TIMP2: variants seen among roughly 807,000 people sequenced by gnomAD.
TIMP2 encodes the protein metalloproteinase inhibitor 2.
TIMP2 carries 5 observed loss-of-function variants against 24.3 expected under a neutral mutation model. The ratio of observed to expected loss-of-function variants is 0.21; its 90% CI spans 0.11 to 0.43. The LOEUF (loss-of-function observed/expected upper bound fraction) is 0.43. Ranked by LOEUF, TIMP2 falls within the 20% of genes least tolerant of loss-of-function variation. The pLI, the probability that TIMP2 is intolerant of heterozygous loss-of-function variation, is 1.00. For missense variants in TIMP2, 221 were observed against 297.5 expected, an observed-to-expected ratio of 0.74 and a Z score of 1.89; for synonymous variants, 130 against 123.2, an observed-to-expected ratio of 1.06 and a Z score of -0.37.
chr17:78,863,186 T>C (rs185210844), intron 3 of TIMP2, among the ~76,000 whole-genome samples: 2 of 152,322 alleles, frequency 1.3e-5, no homozygotes, highest in East Asian at 3.9e-4. Context: ...GCATAAGCGT[T>C]CCTAAGCGTT....
In TIMP2 at chr17:78,920,100, C is replaced by T. The variant is rs181186039; in HGVS notation, c.130+4859G>A. 2.1e-4 allele frequency among the ~76,000 whole-genome samples: 32 copies of T among 152,322 alleles called. No individual in the cohort carries two copies. Among genetic ancestry groups the T allele is most frequent in the Non-Finnish European group, 4.0e-4 (27 of 68,030 alleles). On this transcript the variant is annotated intron_variant, in intron 1 of 4. Transcript: ENST00000262768. This position sits in a 1 kb window ranked among gnomAD's most constrained non-coding sequence, Gnocchi z 4.5. The stretch of plus-strand genomic sequence containing the variant: ...AACCCAAGACGTTCACCCCTACACA[C>T]GACCCCCACTGCATCGAGTCAGTGG...
rs1314895267 is a variant in TIMP2 at position 78,924,195 on chromosome 17, C to T, written c.130+764G>A. On this transcript the variant is annotated intron_variant, in intron 1 of 4. Transcript: ENST00000262768. The surrounding 1 kb of genome is among the most constrained non-coding windows in gnomAD (Gnocchi z 5.3). ...GCCTGTCTTTTGGGGGCTAGGAGTC[C>T]GGAGGTCATGGGTATTTGCTGGGGA... Among the ~76,000 whole-genome samples the T allele has an allele frequency of 6.6e-6, 1 of 152,162 alleles. No homozygotes were observed. Among genetic ancestry groups the T allele is most frequent in the Non-Finnish European group, 1.5e-5 (1 of 68,030 alleles).
At chr17:78,870,806 C>T (rs935567153) in intron 3 of TIMP2, 92 bp downstream of exon 3, 67 of 1,072,002 alleles carry the variant, frequency 6.2e-5, no homozygotes, top group Non-Finnish European at 7.1e-5. Flanking sequence ...CGCCTCCCCA[C>T]CCCCCGAGCC....
intron 1 of TIMP2, among the ~76,000 whole-genome samples, chr17:78,900,361 C>T (rs1568004065): frequency 6.6e-6 from 1 of 152,088 alleles, no homozygotes; most frequent in Admixed American, 6.6e-5. Context: ...GCCTGACCAA[C>T]GTGGTGAAAC....
chr17:78,888,006 A>T (rs751703476), intron 1 of TIMP2, among the ~76,000 whole-genome samples: 9 of 152,194 alleles, frequency 5.9e-5, no homozygotes, highest in Non-Finnish European at 1.3e-4. Context: ...TGCCGAGGCC[A>T]AAAAACCTAG....
intron 3 of TIMP2, among the ~76,000 whole-genome samples, chr17:78,859,996 T>A (rs991433404): frequency 3.3e-5 from 5 of 151,112 alleles, no homozygotes; most frequent in Non-Finnish European, 7.4e-5. Context: ...CCATCTCAAA[T>A]AAATACATAA....
intron 1 of TIMP2, chr17:78,904,791 A>G (rs1004319036): frequency 6.6e-6 from 1 of 152,256 alleles, no homozygotes; most frequent in Admixed American, 6.5e-5. Context: ...AATCTGTTGA[A>G]AGCCCGGACA....
chr17:78,897,261 A>G (rs571766634), intron 1 of TIMP2: 1 of 152,428 alleles, frequency 6.6e-6, no homozygotes, highest in East Asian at 1.9e-4. Context: ...GCTGCAGGAT[A>G]CCAGATCCTG....
intron 3 of TIMP2, among the ~76,000 whole-genome samples, chr17:78,865,705 C>A (rs1258975986): frequency 6.6e-6 from 1 of 150,388 alleles, no homozygotes; most frequent in Non-Finnish European, 1.5e-5. Flanking sequence ...GGCAGGAGAA[C>A]TGCTTGAACC....
rs141269986 is a variant in TIMP2, at chr17:78,862,171, C to T, written c.341-4525G>A. Among the ~76,000 whole-genome samples, 28 of 152,324 alleles carry T rather than the reference C, an allele frequency of 1.8e-4. No individual in the cohort carries two copies. The East Asian group carries it at 4.6e-3, about 25-fold the overall frequency. ...GAGTCTCCTGGTGCCCGACTCGACA[C>T]GTGAGACTGAGTCATCGGTCCAGGA... is the stretch of plus-strand genomic sequence containing the variant. On this transcript the variant is annotated intron_variant, in intron 3 of 4. Transcript: ENST00000262768.
chr17:78,924,875 G>T lies in TIMP2; in HGVS notation c.130+84C>A. The T allele has an allele frequency of 1.1e-6, 1 of 926,744 alleles. No homozygotes were observed. Among genetic ancestry groups the T allele is most frequent in the Non-Finnish European group, 1.4e-6 (1 of 738,040 alleles). The allele number at this position is 926,744 out of a possible 1,614,324, so 57.4% of individuals were successfully genotyped here. A position where few individuals can be genotyped will look rare whatever the true frequency, so the allele number is the denominator to read the frequency against. ...CGGGCGCTGGGGTCCCTCGGCCAGC[G>T]GCGGGCGGGCGGGGCGTCTGCGAAC... On this transcript the variant is annotated intron_variant, in intron 1 of 4. Transcript: ENST00000262768. This position sits in a 1 kb window ranked among gnomAD's most constrained non-coding sequence, Gnocchi z 5.3.
intron 3 of TIMP2, among the ~76,000 whole-genome samples, chr17:78,867,319 A>AG (rs556506392): frequency 1.5e-3 from 230 of 152,240 alleles, no homozygotes; most frequent in African/African-American, 5.3e-3. Flanking sequence ...GCATCTTAAA[A>AG]GGGGGGGAAG....
intron 2 of TIMP2, among the ~76,000 whole-genome samples, chr17:78,872,744 AGACTAG>A: frequency 6.6e-6 from 1 of 152,200 alleles, no homozygotes; most frequent in Non-Finnish European, 1.5e-5. Flanking sequence ...AGGCACTGAG[AGACTAG>A]GTCATCCCCT....
chr17:78,904,765 T>TG (rs958659977), intron 1 of TIMP2: 2 of 152,184 alleles, frequency 1.3e-5, no homozygotes, highest in African/African-American at 2.4e-5. Flanking sequence ...CCTCGCCAGG[T>TG]GGGGCACCAT....
At chr17:78,885,522 G>A (rs1395843643) in intron 1 of TIMP2, among the ~76,000 whole-genome samples, 1 of 152,238 alleles carries the variant, frequency 6.6e-6, no homozygotes, top group Non-Finnish European at 1.5e-5. Flanking sequence ...GGGCTGGGGT[G>A]TGAGTCCAGG....
intron 1 of TIMP2, chr17:78,922,064 T>A (rs960313488): frequency 4.6e-5 from 7 of 152,232 alleles, no homozygotes; most frequent in Admixed American, 4.6e-4. Context: ...AAATCACCTG[T>A]GGGCCTTTTA....
At chr17:78,887,519 G>A (rs187419349) in intron 1 of TIMP2, among the ~76,000 whole-genome samples, 1 of 152,224 alleles carries the variant, frequency 6.6e-6, no homozygotes, top group Non-Finnish European at 1.5e-5. Flanking sequence ...CGAATAGCTG[G>A]GACTACAAGT....
Position 78,881,324 on chromosome 17 carries a change from A to AG in TIMP2, c.131-7406dup, listed in dbSNP as rs376531734. Among the ~76,000 whole-genome samples the AG allele has an allele frequency of 9.4e-4, 143 of 152,330 alleles. 1 individual carries two copies. Among genetic ancestry groups the AG allele is most frequent in the African/African-American group, 3.3e-3 (138 of 41,578 alleles). ...GCTTATGGCCCAGCGGAGAACGCCA[A>AG]GGGGTCCCCATGTTCTCAACATGGG... On this transcript the variant is annotated intron_variant, in intron 1 of 4. Coordinates refer to ENST00000262768, the MANE Select transcript of TIMP2 (RefSeq NM_003255.5).
At chr17:78,909,827 C>A (rs953137994) in intron 1 of TIMP2, among the ~76,000 whole-genome samples, 1 of 152,012 alleles carries the variant, frequency 6.6e-6, no homozygotes, top group Admixed American at 6.6e-5. Flanking sequence ...GGACCCAGGC[C>A]GGGCACTGTG....
Sources: allele counts gnomAD v4.1 joint callset (sites outside exome capture counted in the v4.1 genomes callset), GRCh38; gene constraint gnomAD v4.1.1; non-coding constraint Gnocchi (gnomAD v3.1); transcripts MANE v1.5; gene names NCBI Gene and HGNC (gene_info 2026-07-23, HGNC 2026-07-21).